Variants in NRG3 observed in about 807,000 individuals in gnomAD.
NRG3 encodes the protein neuregulin 3.
Under a neutral mutation model 66.9 loss-of-function variants are expected in NRG3, and 31 were observed. The ratio of observed to expected loss-of-function variants is 0.46; its 90% confidence interval spans 0.35 to 0.63. The LOEUF (loss-of-function observed/expected upper bound fraction) is 0.63, where lower values mean the gene tolerates loss of function less well. Ranked by LOEUF, NRG3 falls within the 20% of genes least tolerant of loss-of-function variation. The pLI is 0.00. For synonymous variants in NRG3, 393 were observed against 359.4 expected (o/e 1.09, Z -1.06); for missense variants, 910 against 878.9 (o/e 1.04, Z -0.45).
rs182209361 is a variant in NRG3 at position 82,272,676 on chromosome 10, C to T, written c.824-86063C>T. On this transcript the variant is annotated intron_variant, in intron 1 of 8. Coordinates refer to ENST00000372141, the MANE Select transcript of NRG3 (RefSeq NM_001010848.4). The stretch of plus-strand genomic sequence containing the variant: ...TTTTGAGTTCGTTTTTAATATATTC[C>T]ATGACATATTCATGTCATCCTGTTC... 2.6e-3 allele frequency among the ~76,000 whole-genome samples: 396 copies of T among 152,080 alleles called. 2 individuals are homozygous for T. The highest frequency in any genetic ancestry group is 9.0e-3 in the African/African-American group (372 of 41,502).
intron 1 of NRG3, among the ~76,000 whole-genome samples, chr10:81,967,738 A>T (rs1331950079): frequency 6.6e-6 from 1 of 152,242 alleles, no homozygotes; most frequent in South Asian, 2.1e-4. Flanking sequence ...GTGTTTGGGT[A>T]GAAGAATTTT....
At chr10:82,531,731 T>A (rs1458421737) in intron 2 of NRG3, among the ~76,000 whole-genome samples, 2 of 151,902 alleles carry the variant, frequency 1.3e-5, no homozygotes, top group Non-Finnish European at 3.0e-5. Flanking sequence ...TAGGATTTTT[T>A]AAAATAACGT....
At chr10:82,314,822 CA>C (rs1204401590) in intron 1 of NRG3, among the ~76,000 whole-genome samples, 15 of 152,008 alleles carry the variant, frequency 9.9e-5, no homozygotes, top group African/African-American at 1.4e-4. Flanking sequence ...AACAAATAAA[CA>C]AAAAAACAAT....
At chr10:82,833,381 G>A (rs2062622085) in intron 3 of NRG3, among the ~76,000 whole-genome samples, 1 of 152,146 alleles carries the variant, frequency 6.6e-6, no homozygotes, top group Non-Finnish European at 1.5e-5. Context: ...CCCAGACTCA[G>A]TTCCCGAGTG....
intron 3 of NRG3, among the ~76,000 whole-genome samples, chr10:82,852,709 TA>T (rs546373222): frequency 6.6e-6 from 1 of 152,184 alleles, no homozygotes; most frequent in Non-Finnish European, 1.5e-5. Flanking sequence ...TAGAAATTTC[TA>T]AATTCATCCA....
intron 3 of NRG3, among the ~76,000 whole-genome samples, chr10:82,778,151 T>C (rs1454512380): frequency 6.6e-6 from 1 of 152,032 alleles, no homozygotes; most frequent in Non-Finnish European, 1.5e-5. Flanking sequence ...TCTTCCAGCT[T>C]GGCAACAGTG....
At chr10:82,284,730 G>A (rs2134492679) in intron 1 of NRG3, among the ~76,000 whole-genome samples, 1 of 152,226 alleles carries the variant, frequency 6.6e-6, no homozygotes, top group African/African-American at 2.4e-5. Flanking sequence ...GGTTTCTTGA[G>A]TGTCTTTTTT....
intron 2 of NRG3, among the ~76,000 whole-genome samples, chr10:82,429,975 T>C (rs1450278947): frequency 6.6e-6 from 1 of 152,190 alleles, no homozygotes; most frequent in Admixed American, 6.5e-5. Context: ...TTTAGTACTT[T>C]TTTTGTTGTT....
At chr10:82,354,986 TGA>T (rs1399560339) in intron 1 of NRG3, among the ~76,000 whole-genome samples, 1 of 152,222 alleles carries the variant, frequency 6.6e-6, no homozygotes, top group African/African-American at 2.4e-5. Flanking sequence ...ATAATTGTTT[TGA>T]AGGCAATAGC....
chr10:81,945,313 CCTT>C (rs1377536410), intron 1 of NRG3, among the ~76,000 whole-genome samples: 1 of 151,882 alleles, frequency 6.6e-6, no homozygotes, highest in Non-Finnish European at 1.5e-5. Context: ...CCTTCTTTCT[CCTT>C]CCTCCTCTTA....
rs767135545 is a variant in NRG3, at chr10:81,876,020, C to T, written c.680C>T (p.Ala227Val). 6.2e-7 allele frequency: 1 copy of T among 1,614,014 alleles called. No individual in the cohort carries two copies. Among genetic ancestry groups the T allele is most frequent in the Non-Finnish European group, 8.5e-7 (1 of 1,180,018 alleles). ...STQAMPSWPT[A>V]AYATSSYLHD... The stretch of plus-strand genomic sequence containing the variant: ...CAGGCAATGCCCTCCTGGCCTACTG[C>T]GGCATACGCTACCTCCTCCTACCTT... The change falls in exon 1 of 9, where the codon GCG becomes GTG. Residue 227 changes from alanine to valine, a missense_variant. Ala to Val is a moderately conservative substitution (Grantham distance 64, BLOSUM62 0). Coordinates refer to ENST00000372141, the MANE Select transcript of NRG3 (RefSeq NM_001010848.4).
rs59452570 is a variant in NRG3, at chr10:82,400,570, C to CTTT, written c.953+41715_953+41717dup. Among the ~76,000 whole-genome samples the CTTT allele has an allele frequency of 9.3e-5, 13 of 139,898 alleles. No individual in the cohort carries two copies. In the East Asian group the frequency reaches 2.1e-3, roughly 23 times the overall value. 91.8% of individuals were successfully genotyped at this position (139,898 alleles called of 152,430 possible). On this transcript the variant is annotated intron_variant, in intron 2 of 8. Coordinates refer to ENST00000372141, the MANE Select transcript of NRG3 (RefSeq NM_001010848.4). ...CTCGGTCAAGTACATGAGGCAGATT[C>CTTT]TTTTTTTTTTTTTTTGAGACAGAGT... is the stretch of plus-strand genomic sequence containing the variant.
At chr10:82,360,448 G>A (rs542681229) in intron 2 of NRG3, among the ~76,000 whole-genome samples, 52 of 152,302 alleles carry the variant, frequency 3.4e-4, no homozygotes, top group African/African-American at 1.2e-3. Context: ...TGAATCAGAA[G>A]CATTAGCTAA....
chr10:82,913,940 C>G (rs972778812), intron 4 of NRG3, among the ~76,000 whole-genome samples: 1 of 152,102 alleles, frequency 6.6e-6, no homozygotes, highest in South Asian at 2.1e-4. Context: ...TGTGTTATAT[C>G]TTTTTAAAAT....
At chr10:82,149,394 C>T (rs930638900) in intron 1 of NRG3, among the ~76,000 whole-genome samples, 1 of 152,138 alleles carries the variant, frequency 6.6e-6, no homozygotes, top group African/African-American at 2.4e-5. Context: ...AGGATGCCCT[C>T]ACTCTTGTTT....
intron 2 of NRG3, among the ~76,000 whole-genome samples, chr10:82,668,035 G>A (rs1476497901): frequency 6.6e-6 from 1 of 152,064 alleles, no homozygotes; most frequent in East Asian, 1.9e-4. Context: ...CAATATCAAG[G>A]AAGTGAAAAA....
At chr10:82,692,760 T>G (rs1193743181) in intron 2 of NRG3, among the ~76,000 whole-genome samples, 2 of 152,226 alleles carry the variant, frequency 1.3e-5, no homozygotes, top group Non-Finnish European at 2.9e-5. Context: ...TGTAAACACT[T>G]GTGGGATGGG....
At chr10:81,937,663 T>C (rs1465333393) in intron 1 of NRG3, among the ~76,000 whole-genome samples, 1 of 152,148 alleles carries the variant, frequency 6.6e-6, no homozygotes. Flanking sequence ...CTTTATTAGA[T>C]ATATGATTTG....
Position 82,163,460 on chromosome 10 carries a change from T to G in NRG3, c.824-195279T>G, listed in dbSNP as rs186931737. 4.9e-4 allele frequency among the ~76,000 whole-genome samples: 75 copies of G among 152,268 alleles called. 1 individual carries two copies. The East Asian group carries it at 0.013, about 27-fold the overall frequency. On this transcript the variant is annotated intron_variant, in intron 1 of 8. Transcript: ENST00000372141. ...CAGCAACCAGATACCAACTACAATATTGTAAATATTTAGGCAATATAGTCC... is the reference window on the plus strand; with the variant it reads ...CAGCAACCAGATACCAACTACAATAGTGTAAATATTTAGGCAATATAGTCC...
Sources: gnomAD v4.1 joint callset for allele counts (sites outside exome capture counted in the v4.1 genomes callset) on GRCh38, gnomAD v4.1.1 for gene constraint, MANE v1.5 for transcripts, NCBI Gene and HGNC (gene_info 2026-07-23, HGNC 2026-07-21) for gene names.